ADCY3: variants seen among roughly 807,000 people sequenced by gnomAD.
ADCY3 encodes the protein adenylate cyclase 3, also known as adenylate cyclase type 3.
A neutral mutation model predicts 119.4 loss-of-function variants in ADCY3; 70 were observed. The observed-to-expected ratio is 0.59, with a 90% confidence interval of 0.48 to 0.72. ADCY3 has a LOEUF of 0.72. ADCY3 is among the 30% of genes least tolerant of loss of function. The pLI is 0.00. For missense variants in ADCY3, 1,238 were observed against 1,541.6 expected (o/e 0.80, Z 3.30); for synonymous variants, 672 against 621.4 (o/e 1.08, Z -1.21).
intron 15 of ADCY3, 189 bp from the exon 16 acceptor site, chr2:24,826,315 T>TC: frequency 7.0e-6 from 4 of 574,048 alleles, no homozygotes; most frequent in Non-Finnish European, 9.4e-6. Context: ...TGGGCTCCTC[T>TC]CCAACAGCCA....
intron 2 of ADCY3, among the ~76,000 whole-genome samples, chr2:24,876,379 A>G (rs1431357533): frequency 6.6e-6 from 1 of 152,114 alleles, no homozygotes; most frequent in African/African-American, 2.4e-5. Context: ...TAAATCTGAA[A>G]CAATACTTGC....
chr2:24,821,367 G>T, intron 20 of ADCY3, 150 bp downstream of exon 20: 1 of 1,166,196 alleles, frequency 8.6e-7, no homozygotes, highest in Non-Finnish European at 1.2e-6. Context: ...TGGACTAAAG[G>T]TCTTTCAGGT....
At chr2:24,828,251 C>A (rs771615369) in intron 13 of ADCY3, 90 bp from the exon 14 acceptor site, 3 of 1,479,930 alleles carry the variant, frequency 2.0e-6, no homozygotes, top group Admixed American at 2.0e-5. Flanking sequence ...GCACGCTCAG[C>A]TGCCACCTCC....
In ADCY3 at chr2:24,899,649, G is replaced by A. The variant is rs1249221947; in HGVS notation, c.675+18664C>T. ...AGCTGATGGAGGCAGGGCTGCAGAC[G>A]GCAGAGGCATCTCATCCCCTTGAGA... On this transcript the variant is annotated intron_variant, in intron 2 of 21. Transcript: ENST00000679454. This position sits in a 1 kb window ranked among gnomAD's most constrained non-coding sequence, Gnocchi z 4.5. 2.0e-5 allele frequency among the ~76,000 whole-genome samples: 3 copies of A among 152,236 alleles called. No individual in the cohort carries two copies. The highest frequency in any genetic ancestry group is 2.9e-5 in the Non-Finnish European group (2 of 68,044).
Position 24,822,609 on chromosome 2 carries a change from G to A in ADCY3, c.2905C>T (p.Arg969Trp), listed in dbSNP as rs759757473. 18 of 1,613,914 alleles carry A rather than the reference G, an allele frequency of 1.1e-5. No homozygotes were observed. The highest frequency in any genetic ancestry group is 8.0e-5 in the African/African-American group (6 of 74,870). ...FDSLLDNPKF[R>W]VITKIKTIGS... is the part of the protein sequence containing the mutation. The stretch of plus-strand genomic sequence containing the variant: ...ATGGTTTTGATCTTGGTGATCACCC[G>A]GAACTTGGGATTGTCCAGGAGCTGA... Residue 969 changes from arginine to tryptophan, a missense_variant, in exon 19 of 22, where the codon CGG becomes TGG. By Grantham distance (101) the Arg-to-Trp change is moderately radical (BLOSUM62 -3). This residue lies in a region of ADCY3 where 37 missense variants were observed against 73.5 expected (regional missense o/e 0.50). Coordinates refer to ENST00000679454, the MANE Select transcript of ADCY3 (RefSeq NM_004036.5).
intron 2 of ADCY3, among the ~76,000 whole-genome samples, chr2:24,875,743 C>G (rs772155864): frequency 6.6e-6 from 1 of 152,212 alleles, no homozygotes; most frequent in Non-Finnish European, 1.5e-5. Flanking sequence ...GACACAAGCA[C>G]GCACTTTATC....
At chr2:24,860,742 G>A (rs1673529207) in intron 3 of ADCY3, among the ~76,000 whole-genome samples, 1 of 152,186 alleles carries the variant, frequency 6.6e-6, no homozygotes, top group Non-Finnish European at 1.5e-5. Context: ...CACCCATCTG[G>A]GAGTTGACTG....
At chr2:24,840,646 C>T (rs1218077096) in intron 6 of ADCY3, 1 of 414,974 alleles carries the variant, frequency 2.4e-6, no homozygotes, top group Non-Finnish European at 5.0e-6. Context: ...CGTGTTGGTG[C>T]CTGATGTCAC....
chr2:24,874,670 G>T (rs1305308097), intron 2 of ADCY3, among the ~76,000 whole-genome samples: 1 of 152,208 alleles, frequency 6.6e-6, no homozygotes, highest in Non-Finnish European at 1.5e-5. Context: ...GACAGTGTCA[G>T]GGCTGGAGGG....
chr2:24,863,413 G>A (rs947023582), intron 3 of ADCY3, among the ~76,000 whole-genome samples: 4 of 152,182 alleles, frequency 2.6e-5, no homozygotes, highest in African/African-American at 9.7e-5. Context: ...GTTGGAACTC[G>A]GACAGGCTCT....
chr2:24,869,399 T>G (rs2148793997), intron 3 of ADCY3, among the ~76,000 whole-genome samples: 1 of 152,032 alleles, frequency 6.6e-6, no homozygotes, highest in Non-Finnish European at 1.5e-5. Flanking sequence ...TTAGGGCCTT[T>G]TTTATTTTTA....
intron 3 of ADCY3, among the ~76,000 whole-genome samples, chr2:24,864,971 T>C (rs1424321282): frequency 6.6e-6 from 1 of 152,246 alleles, no homozygotes; most frequent in Non-Finnish European, 1.5e-5. Context: ...CTTGCACATA[T>C]ATACTATGAT....
intron 2 of ADCY3, among the ~76,000 whole-genome samples, chr2:24,884,615 T>C (rs1676811493): frequency 1.3e-5 from 2 of 151,892 alleles, no homozygotes; most frequent in Admixed American, 1.3e-4. Context: ...ATCTGGGATT[T>C]ACAGGTGCCC....
intron 2 of ADCY3, among the ~76,000 whole-genome samples, chr2:24,889,955 T>A (rs991204812): frequency 6.6e-6 from 1 of 152,254 alleles, no homozygotes; most frequent in South Asian, 2.1e-4. Flanking sequence ...AAATATGATG[T>A]AGGTTTTGCA....
rs986383638 is a variant in ADCY3 at position 24,836,966 on chromosome 2, G to A, written c.1613C>T (p.Ala538Val). The change falls in exon 9 of 22, where the codon GCC becomes GTC. Residue 538 changes from alanine to valine, a missense_variant. Coordinates refer to ENST00000679454, the MANE Select transcript of ADCY3 (RefSeq NM_004036.5). ...CTCCGACGTGGACCCACTGCTGTGG[G>A]CACTCCCGTTGGGCTCCTTGGTCTC... ...LIETKEPNGSAHSSGSTSEKP... is the reference protein window; with the variant it reads ...LIETKEPNGSVHSSGSTSEKP... The A allele has an allele frequency of 2.5e-6, 4 of 1,614,012 alleles. No homozygotes were observed. Among genetic ancestry groups the A allele is most frequent in the African/African-American group, 2.7e-5 (2 of 75,048 alleles).
At chr2:24,826,399 G>A in intron 15 of ADCY3, 1 of 392,718 alleles carries the variant, frequency 2.5e-6, no homozygotes. Context: ...AAGAAACACT[G>A]CATTGCCTGA....
At position 24,877,928 on chromosome 2, in the gene ADCY3, C is replaced by T. The variant is rs1211069710; in HGVS notation, c.676-5209G>A. 3 of 471,090 alleles carry T rather than the reference C, an allele frequency of 6.4e-6. No individual in the cohort carries two copies. In the East Asian group the frequency reaches 2.1e-4, roughly 33 times the overall value. 29.2% of individuals were successfully genotyped at this position (471,090 alleles called of 1,614,324 possible). A position where few individuals can be genotyped will look rare whatever the true frequency, so the allele number is the denominator to read the frequency against. ...GGGTCCTGGGGTGACTCACCAAACC[C>T]ATGAGGTTGAGAAGCCTGCTCTGGA... On this transcript the variant is annotated intron_variant, in intron 2 of 21. Transcript: ENST00000679454.
At chr2:24,832,066 G>GGGGGCAGGGGACA (rs1669659702) in intron 11 of ADCY3, 1 of 76,942 alleles carries the variant, frequency 1.3e-5, no homozygotes, top group African/African-American at 3.6e-5. Flanking sequence ...GAAGGGGGCA[G>GGGGGCAGGGGACA]GGGGCAGGGG....
intron 2 of ADCY3, among the ~76,000 whole-genome samples, chr2:24,906,104 C>A (rs530528101): frequency 6.6e-6 from 1 of 151,984 alleles, no homozygotes; most frequent in African/African-American, 2.4e-5. Flanking sequence ...GTCAGGAGAT[C>A]GAGACCAGCC....
Sources: gnomAD v4.1 joint callset for allele counts (sites outside exome capture counted in the v4.1 genomes callset) on GRCh38, gnomAD v4.1.1 for gene constraint, gnomAD v4.1.1 regional missense constraint, Gnocchi (gnomAD v3.1) non-coding constraint, MANE v1.5 for transcripts, NCBI Gene and HGNC (gene_info 2026-07-23, HGNC 2026-07-21) for gene names.